The following DCLK3 variants were observed in gnomAD, a reference collection of about 807,000 sequenced individuals.
The protein encoded by DCLK3 is serine/threonine-protein kinase DCLK3.
A neutral mutation model predicts 46.4 loss-of-function variants in DCLK3; 30 were observed. The ratio of observed to expected loss-of-function variants is 0.65; its 90% CI spans 0.48 to 0.88. DCLK3 has a LOEUF of 0.88. Ranked by LOEUF, DCLK3 falls within the 40% of genes least tolerant of loss-of-function variation. The probability of loss-of-function intolerance (pLI) is 0.00; values close to 1 mark genes in which losing one functional copy is unlikely to be tolerated. For missense variants in DCLK3, 846 were observed against 907.1 expected (o/e 0.93, Z 0.87); for synonymous variants, 401 against 339.2 (o/e 1.18, Z -2.00).
intron 3 of DCLK3, 68 bp from the exon 4 acceptor site, chr3:36,718,245 T>C: frequency 6.2e-7 from 1 of 1,601,416 alleles, no homozygotes; most frequent in Non-Finnish European, 8.5e-7. Flanking sequence ...ATGAAATAAA[T>C]GATGGAGTAT....
chr3:36,721,742 G>A (rs1200506954), intron 2 of DCLK3, 83 bp from the exon 3 acceptor site: 38 of 1,549,690 alleles, frequency 2.5e-5, no homozygotes, highest in South Asian at 4.6e-5. Context: ...GCCATGCAAG[G>A]TCAAGAAAAG....
rs192097748 is a variant in DCLK3 at position 36,712,931 on chromosome 3, T to A, written c.*2397A>T. On this transcript the variant is annotated 3_prime_UTR_variant, in exon 5 of 5. Transcript: ENST00000636136. ...GTCTTCATAGGACATATGCTTGAAT[T>A]TCTGCTGGGTAAACATCTAGAAGTG... The A allele has an allele frequency of 5.3e-5, 8 of 152,344 alleles. No homozygotes were observed. In the East Asian group the frequency reaches 1.5e-3, roughly 29 times the overall value. 9.4% of individuals were successfully genotyped at this position (152,344 alleles called of 1,614,324 possible). A position where few individuals can be genotyped will look rare whatever the true frequency, so the allele number is the denominator to read the frequency against.
In DCLK3 at chr3:36,745,218, T is replaced by C. The variant is rs113155138; in HGVS notation, c.83-6134A>G. On this transcript the variant is annotated intron_variant, in intron 1 of 4. Transcript: ENST00000636136. ...TTCTCTTTTATATTGTCTTTTTAAATCACAATTAAAGAGATTTTACCTTTT... is the reference window on the plus strand; with the variant it reads ...TTCTCTTTTATATTGTCTTTTTAAACCACAATTAAAGAGATTTTACCTTTT... Among the ~76,000 whole-genome samples, 1,315 of 152,214 alleles carry C rather than the reference T, an allele frequency of 8.6e-3. 22 individuals are homozygous for C. The highest frequency in any genetic ancestry group is 0.03 in the African/African-American group (1,262 of 41,474).
chr3:36,723,110 G>T (rs1354397056), intron 2 of DCLK3, among the ~76,000 whole-genome samples: 2 of 152,186 alleles, frequency 1.3e-5, no homozygotes, highest in Admixed American at 6.5e-5. Context: ...TGGAAATGAG[G>T]AACTTGTTGG....
chr3:36,715,890 G>C (rs1398381460), intron 4 of DCLK3, among the ~76,000 whole-genome samples: 1 of 152,220 alleles, frequency 6.6e-6, no homozygotes, highest in Non-Finnish European at 1.5e-5. Context: ...CGCAGGGCCA[G>C]ACCCACTCTT....
chr3:36,757,966 A>T (rs911562300), intron 1 of DCLK3, among the ~76,000 whole-genome samples: 2 of 152,112 alleles, frequency 1.3e-5, no homozygotes, highest in African/African-American at 4.8e-5. Flanking sequence ...ACCTGCCCTC[A>T]TCACATCTTA....
chr3:36,745,329 T>C (rs1467076791), intron 1 of DCLK3, among the ~76,000 whole-genome samples: 2 of 152,240 alleles, frequency 1.3e-5, no homozygotes, highest in South Asian at 2.1e-4. Context: ...AGAATTTTCA[T>C]CTTGGCTCCT....
At chr3:36,751,227 C>T (rs1366158389) in intron 1 of DCLK3, among the ~76,000 whole-genome samples, 1 of 152,020 alleles carries the variant, frequency 6.6e-6, no homozygotes, top group Non-Finnish European at 1.5e-5. Context: ...GGCATGGTAC[C>T]AACACCCTGA....
chr3:36,748,672 C>T (rs1701413715), intron 1 of DCLK3, among the ~76,000 whole-genome samples: 1 of 152,128 alleles, frequency 6.6e-6, no homozygotes, highest in Non-Finnish European at 1.5e-5. Context: ...GCCTCATTTG[C>T]TCCCAGGGTC....
Position 36,713,104 on chromosome 3 carries a change from T to C in DCLK3, c.*2224A>G, listed in dbSNP as rs1700929485. On this transcript the variant is annotated 3_prime_UTR_variant, in exon 5 of 5. Transcript: ENST00000636136. Reference sequence around the variant, plus strand: ...TCGCTAGTAGTTGGTAAGGTCAGTCTTCTCATTTTAGCCATTTAATTTTAG... The same window carrying C: ...TCGCTAGTAGTTGGTAAGGTCAGTCCTCTCATTTTAGCCATTTAATTTTAG... 6.6e-6 allele frequency: 1 copy of C among 152,226 alleles called. No individual in the cohort carries two copies. The highest frequency in any genetic ancestry group is 1.5e-5 in the Non-Finnish European group (1 of 68,034). 9.4% of individuals were successfully genotyped at this position (152,226 alleles called of 1,614,324 possible).
intron 1 of DCLK3, among the ~76,000 whole-genome samples, chr3:36,742,028 G>T (rs1701348901): frequency 6.6e-6 from 1 of 152,198 alleles, no homozygotes; most frequent in Non-Finnish European, 1.5e-5. Context: ...TGAACATTTA[G>T]CATAGAAGGA....
At chr3:36,732,273 G>T (rs541662479) in intron 2 of DCLK3, among the ~76,000 whole-genome samples, 36 of 152,226 alleles carry the variant, frequency 2.4e-4, no homozygotes, top group Non-Finnish European at 4.7e-4. Flanking sequence ...GTAACTTACA[G>T]AGGAAAGAAA....
At chr3:36,756,357 TG>T (rs1701484429) in intron 1 of DCLK3, among the ~76,000 whole-genome samples, 1 of 152,206 alleles carries the variant, frequency 6.6e-6, no homozygotes, top group African/African-American at 2.4e-5. Flanking sequence ...GTGCACCAGA[TG>T]GGGGCCAACC....
Position 36,737,868 on chromosome 3 carries a change from G to A in DCLK3, c.1299C>T (p.Thr433=). 2 of 1,613,922 alleles carry A rather than the reference G, an allele frequency of 1.2e-6. No individual in the cohort carries two copies. The highest frequency in any genetic ancestry group is 1.7e-6 in the Non-Finnish European group (2 of 1,180,020). Residue 433 remains threonine (T), a synonymous_variant, in exon 2 of 5, where the codon ACC becomes ACT. Coordinates refer to ENST00000636136, the MANE Select transcript of DCLK3 (RefSeq NM_001394672.2). This position sits in a 1 kb window ranked among gnomAD's most constrained non-coding sequence, Gnocchi z 4.4. ...EEGLREVKKD[T]RPMSRSKHGG... ...CATGTTTGCTCCTGCTCATGGGCCT[G>A]GTGTCCTTCTTCACCTCCCTCAGCC...
rs1701300562 is a variant in DCLK3 at position 36,738,461 on chromosome 3, C to A, written c.706G>T (p.Ala236Ser). ...TGCCTCATGGCTGCCTTGCATCCTG[C>A]AACTTCGCTGCAGCTCTTGGGGGTC... ...TETPKSCSEV[A>S]GCKAAMRHQG... The change falls in exon 2 of 5, where the codon GCA becomes TCA. Residue 236 changes from alanine (A) to serine (S), a missense_variant. Ala to Ser is a moderately conservative substitution (Grantham distance 99). This residue lies in a region of DCLK3 where 553 missense variants were observed against 543.0 expected (regional missense o/e 1.02). Coordinates refer to ENST00000636136, the MANE Select transcript of DCLK3 (RefSeq NM_001394672.2). The A allele has an allele frequency of 1.4e-6, 2 of 1,477,174 alleles. No individual in the cohort carries two copies. The highest frequency in any genetic ancestry group is 1.8e-4 in the Middle Eastern group (1 of 5,504). 91.5% of individuals were successfully genotyped at this position (1,477,174 alleles called of 1,614,324 possible). A position where few individuals can be genotyped will look rare whatever the true frequency, so the allele number is the denominator to read the frequency against.
In DCLK3 at chr3:36,752,959, C is replaced by T. The variant is rs1701456097; in HGVS notation, c.82+11223G>A. On this transcript the variant is annotated intron_variant, in intron 1 of 4. Transcript: ENST00000636136. ...CAATGAACAAATAGTTCATGGTAAT[C>T]ATCAGTGATGTCCCTGGTATCTAAT... Among the ~76,000 whole-genome samples the T allele has an allele frequency of 2.0e-5, 3 of 152,152 alleles. No individual in the cohort carries two copies. In the South Asian group the frequency reaches 6.2e-4, roughly 32 times the overall value.
chr3:36,718,769 A>T (rs76784654), intron 3 of DCLK3, among the ~76,000 whole-genome samples: 3,246 of 152,258 alleles, frequency 0.021, 108 homozygotes, highest in African/African-American at 0.072. Context: ...TTTTTAAATG[A>T]TTTTTAAAAG....
chr3:36,721,280 AACACAC>A (rs3034440), intron 3 of DCLK3, among the ~76,000 whole-genome samples: 2 of 150,162 alleles, frequency 1.3e-5, no homozygotes, highest in Middle Eastern at 3.2e-3. Context: ...AAACACAATA[AACACAC>A]ACACACACAC....
chr3:36,719,218 T>C (rs1701026508), intron 3 of DCLK3, among the ~76,000 whole-genome samples: 3 of 152,326 alleles, frequency 2.0e-5, no homozygotes, highest in South Asian at 2.1e-4. Flanking sequence ...AGGTTTTTGA[T>C]ACATATTACA....
Sources: gnomAD v4.1 joint callset for allele counts (sites outside exome capture counted in the v4.1 genomes callset) on GRCh38, gnomAD v4.1.1 for gene constraint, gnomAD v4.1.1 regional missense constraint, Gnocchi (gnomAD v3.1) non-coding constraint, MANE v1.5 for transcripts, NCBI Gene and HGNC (gene_info 2026-07-23, HGNC 2026-07-21) for gene names.